Variants in CAPZB observed in about 807,000 individuals in gnomAD.
The protein encoded by CAPZB is capping actin protein of muscle Z-line subunit beta.
Under a neutral mutation model 38.1 loss-of-function variants are expected in CAPZB, and 2 were observed. The ratio of observed to expected loss-of-function variants is 0.05; its 90% confidence interval spans 0.02 to 0.17. The LOEUF (loss-of-function observed/expected upper bound fraction) is 0.17. Ranked by LOEUF, CAPZB falls within the 10% of genes least tolerant of loss-of-function variation. CAPZB has a pLI of 1.00. For missense variants in CAPZB, 161 were observed against 334.2 expected, an observed-to-expected ratio of 0.48 and a Z score of 4.04; for synonymous variants, 107 against 127.4, an observed-to-expected ratio of 0.84 and a Z score of 1.08.
At chr1:19,481,854 C>CT (rs1004533645) in intron 1 of CAPZB, among the ~76,000 whole-genome samples, 3 of 152,136 alleles carry the variant, frequency 2.0e-5, no homozygotes, top group African/African-American at 7.2e-5. Flanking sequence ...CTCTTTCCCC[C>CT]TTAAGCTTTA....
intron 1 of CAPZB, among the ~76,000 whole-genome samples, chr1:19,475,582 CTCT>C (rs2094604093): frequency 6.6e-6 from 1 of 152,212 alleles, no homozygotes; most frequent in Admixed American, 6.5e-5. Context: ...CGCTCGGCTC[CTCT>C]GTTCTCGACT....
chr1:19,354,828 C>T (rs1431871843), intron 6 of CAPZB, among the ~76,000 whole-genome samples: 1 of 152,170 alleles, frequency 6.6e-6, no homozygotes, highest in Admixed American at 6.5e-5. Context: ...GATTTTCCAC[C>T]CACTCCCCAG....
intron 2 of CAPZB, among the ~76,000 whole-genome samples, chr1:19,394,064 G>A (rs566023009): frequency 1.3e-5 from 2 of 152,338 alleles, no homozygotes; most frequent in East Asian, 1.9e-4. Context: ...GCAGTGGCGC[G>A]ATCTCGGCTC....
intron 2 of CAPZB, among the ~76,000 whole-genome samples, chr1:19,396,487 C>T (rs2094269913): frequency 6.6e-6 from 1 of 152,206 alleles, no homozygotes; most frequent in Non-Finnish European, 1.5e-5. Flanking sequence ...CGTGGGCTGC[C>T]GCCTGCTGTG....
chr1:19,460,574 CTTTTT>C (rs35288971), intron 1 of CAPZB, among the ~76,000 whole-genome samples: 4 of 90,982 alleles, frequency 4.4e-5, no homozygotes, highest in African/African-American at 1.8e-4. Context: ...TGTGCCCAGG[CTTTTT>C]TTTTTTTTTT....
intron 6 of CAPZB, among the ~76,000 whole-genome samples, chr1:19,348,343 C>T (rs544306830): frequency 5.1e-4 from 77 of 152,120 alleles, no homozygotes; most frequent in South Asian, 5.0e-3. Flanking sequence ...TGCAATCCTC[C>T]CACACAGCTG....
At chr1:19,398,740 T>A (rs922155135) in intron 2 of CAPZB, among the ~76,000 whole-genome samples, 1 of 151,978 alleles carries the variant, frequency 6.6e-6, no homozygotes, top group Non-Finnish European at 1.5e-5. Context: ...ACATCTGAGC[T>A]GAGTTACAGA....
chr1:19,342,585 A>G (rs1268259220), intron 8 of CAPZB, among the ~76,000 whole-genome samples: 1 of 152,114 alleles, frequency 6.6e-6, no homozygotes, highest in South Asian at 2.1e-4. Context: ...GCCGTGTTAC[A>G]TGGGGCCGAG....
chr1:19,382,315 C>T (rs2094179881), intron 3 of CAPZB, among the ~76,000 whole-genome samples: 1 of 152,126 alleles, frequency 6.6e-6, no homozygotes, highest in Admixed American at 6.6e-5. Context: ...GCACTCAGAA[C>T]ACACTTAAGA....
intron 2 of CAPZB, among the ~76,000 whole-genome samples, chr1:19,411,540 C>T (rs905230397): frequency 1.3e-5 from 2 of 152,218 alleles, no homozygotes; most frequent in South Asian, 4.1e-4. Context: ...CCAAGGAACA[C>T]ACACACAAAA....
At chr1:19,401,349 C>T (rs375078632) in intron 2 of CAPZB, among the ~76,000 whole-genome samples, 3 of 152,078 alleles carry the variant, frequency 2.0e-5, no homozygotes, top group East Asian at 1.9e-4. Flanking sequence ...TGCACACAGC[C>T]GGGAGGACTT....
intron 4 of CAPZB, among the ~76,000 whole-genome samples, chr1:19,364,615 T>A (rs1201164466): frequency 6.6e-6 from 1 of 152,198 alleles, no homozygotes; most frequent in Admixed American, 6.5e-5. Context: ...CAATACCTTG[T>A]TTATCCTTCT....
intron 2 of CAPZB, among the ~76,000 whole-genome samples, chr1:19,417,330 G>A (rs2094384489): frequency 6.6e-6 from 1 of 152,160 alleles, no homozygotes; most frequent in South Asian, 2.1e-4. Flanking sequence ...CTAAAATACA[G>A]TAATAACTAA....
chr1:19,464,844 G>A (rs747048770), intron 1 of CAPZB, among the ~76,000 whole-genome samples: 7 of 152,218 alleles, frequency 4.6e-5, no homozygotes, highest in Admixed American at 6.5e-5. Flanking sequence ...GCAAAACCGC[G>A]GTGACAAAGC....
intron 3 of CAPZB, among the ~76,000 whole-genome samples, chr1:19,380,621 T>C (rs1317711020): frequency 6.6e-6 from 1 of 152,232 alleles, no homozygotes; most frequent in Non-Finnish European, 1.5e-5. Context: ...ATGGAGATGT[T>C]CTAAATCTGT....
intron 2 of CAPZB, among the ~76,000 whole-genome samples, chr1:19,388,917 T>G (rs1474180858): frequency 6.6e-6 from 1 of 152,206 alleles, no homozygotes; most frequent in Non-Finnish European, 1.5e-5. Context: ...AAACTGGCAC[T>G]GCTTGTCCTA....
chr1:19,420,214 A>G (rs1330890846), intron 1 of CAPZB: 1 of 155,160 alleles, frequency 6.4e-6, no homozygotes, highest in East Asian at 1.9e-4. Flanking sequence ...AGCCAGGCAA[A>G]GAACAAGTGG....
At chr1:19,358,764 A>C (rs1486184789) in intron 4 of CAPZB, among the ~76,000 whole-genome samples, 1 of 152,238 alleles carries the variant, frequency 6.6e-6, no homozygotes, top group African/African-American at 2.4e-5. Flanking sequence ...TCTTTATCAG[A>C]AAGTCTGGGG....
intron 1 of CAPZB, among the ~76,000 whole-genome samples, chr1:19,435,007 A>AAC (rs1553285793): frequency 4.5e-5 from 6 of 132,982 alleles, no homozygotes; most frequent in South Asian, 4.8e-4. Context: ...GAAAAAAAAA[A>AAC]ACACACTCAT....
Sources: allele counts gnomAD v4.1 joint callset (sites outside exome capture counted in the v4.1 genomes callset), GRCh38; gene constraint gnomAD v4.1.1; transcripts MANE v1.5; gene names NCBI Gene and HGNC (gene_info 2026-07-23, HGNC 2026-07-21).